The following PGBD1 variants were observed in gnomAD, a reference collection of about 807,000 sequenced individuals.
PGBD1 encodes the protein piggyBac transposable element-derived protein 1.
Under a neutral mutation model 34.7 loss-of-function variants are expected in PGBD1, and 25 were observed. That is an observed-to-expected ratio of 0.72 (90% CI 0.52 to 1.00). PGBD1 has a LOEUF of 1.00. Ranked by LOEUF, PGBD1 falls within the 50% of genes least tolerant of loss-of-function variation. PGBD1 has a pLI of 0.00. For synonymous variants in PGBD1, 292 were observed against 335.7 expected, an observed-to-expected ratio of 0.87 and a Z score of 1.42; for missense variants, 830 against 959.4, an observed-to-expected ratio of 0.87 and a Z score of 1.78.
At chr6:28,287,045 G>A in intron 3 of PGBD1, 35 bp from the exon 4 acceptor site, 3 of 1,535,646 alleles carry the variant, frequency 2.0e-6, no homozygotes, top group African/African-American at 1.4e-5. Flanking sequence ...AGGCCATCAT[G>A]TCTCATTTAG....
At chr6:28,293,617 T>C (rs1762538159) in intron 4 of PGBD1, among the ~76,000 whole-genome samples, 1 of 152,218 alleles carries the variant, frequency 6.6e-6, no homozygotes, top group Non-Finnish European at 1.5e-5. Context: ...GTGTCACATT[T>C]TGGTAATTCT....
At chr6:28,285,476 A>G (rs1762257095) in intron 2 of PGBD1, 75 bp from the exon 3 acceptor site, 4 of 1,464,238 alleles carry the variant, frequency 2.7e-6, no homozygotes, top group East Asian at 2.4e-5. Context: ...TATCCCCAGC[A>G]TGTAGAACAG....
At chr6:28,287,228 G>C (rs949117952) in intron 4 of PGBD1, 60 bp downstream of exon 4, 32 of 1,416,360 alleles carry the variant, frequency 2.3e-5, no homozygotes, top group Non-Finnish European at 3.0e-5. Context: ...CTCATTCCAT[G>C]TTCCTTGCCC....
intron 5 of PGBD1, 71 bp from the exon 6 acceptor site, chr6:28,297,824 T>TG (rs1561890921): frequency 2.2e-4 from 41 of 185,486 alleles, no homozygotes; most frequent in Admixed American, 5.4e-4. Context: ...AAGTTTTTTT[T>TG]TTTTTTTTTT....
At chr6:28,291,908 A>AT (rs986183305) in intron 4 of PGBD1, among the ~76,000 whole-genome samples, 11 of 152,164 alleles carry the variant, frequency 7.2e-5, no homozygotes, top group African/African-American at 2.7e-4. Flanking sequence ...TTGCTTTTTG[A>AT]TAAAAACCCT....
intron 2 of PGBD1, among the ~76,000 whole-genome samples, chr6:28,285,320 TA>T (rs1400777698): frequency 6.6e-6 from 1 of 152,214 alleles, no homozygotes; most frequent in African/African-American, 2.4e-5. Flanking sequence ...AATTACTAAG[TA>T]ATCTGTGGGA....
chr6:28,300,756 C>T lies in PGBD1; in HGVS notation c.902C>T (p.Pro301Leu), dbSNP rs1296330337. 7 of 1,613,822 alleles carry T rather than the reference C, an allele frequency of 4.3e-6. No homozygotes were observed. The highest frequency in any genetic ancestry group is 5.9e-6 in the Non-Finnish European group (7 of 1,179,910). The change falls in exon 7 of 7, where the codon CCT becomes CTT. Residue 301 changes from proline to leucine, a missense_variant. Physicochemically the swap from Pro to Leu is moderately conservative, Grantham distance 98. This residue lies in a region of PGBD1 where 457 missense variants were observed against 515.4 expected (regional missense o/e 0.89). Transcript: ENST00000682144. The surrounding 1 kb of genome is among the most constrained non-coding windows in gnomAD (Gnocchi z 4.0). ...ECAPQIPCST[P>L]IATERTVAHL... The stretch of plus-strand genomic sequence containing the variant: ...GCACCCCAGATTCCTTGTAGTACTC[C>T]TATTGCTACTGAAAGGACAGTTGCA...
chr6:28,294,571 T>G (rs1018825080), intron 4 of PGBD1, among the ~76,000 whole-genome samples: 3 of 152,198 alleles, frequency 2.0e-5, no homozygotes, highest in Non-Finnish European at 2.9e-5. Context: ...TTGAAGCCAG[T>G]GCTCATTTAT....
rs781553695 is a variant in PGBD1 at position 28,297,916 on chromosome 6, A to T, written c.794A>T (p.Asp265Val). The change falls in exon 6 of 7, where the codon GAT (aspartate) becomes GTT (valine). Residue 265 changes from aspartate (D) to valine (V), a missense_variant. By Grantham distance (152) the Asp-to-Val change is radical. This residue lies in a region of PGBD1 where 457 missense variants were observed against 515.4 expected (regional missense o/e 0.89). Transcript: ENST00000682144. ...SPMTEEIVTK[D>V]RLFKAKQETS... ...TTAGCTGAAGAAATTGTAACTAAAG[A>T]TAGATTGTTTAAAGCAAAGCAAGAA... is the stretch of plus-strand genomic sequence containing the variant. The T allele has an allele frequency of 1.3e-6, 2 of 1,553,944 alleles. No homozygotes were observed. Among genetic ancestry groups the T allele is most frequent in the Non-Finnish European group, 8.8e-7 (1 of 1,138,758 alleles).
chr6:28,284,077 G>A lies in PGBD1; in HGVS notation c.264G>A (p.Val88=), dbSNP rs1346563145. ...AGGAACAGATAATGGAACTGCTGGT[G>A]CTGGAGCAGTTCCTGACCATCCTGC... ...HTKEQIMELL[V]LEQFLTILPK... is the part of the protein sequence containing the mutation. Residue 88 remains valine, a synonymous_variant, in exon 2 of 7, where the codon GTG becomes GTA. Coordinates refer to ENST00000682144, the MANE Select transcript of PGBD1 (RefSeq NM_032507.4). The A allele has an allele frequency of 6.2e-7, 1 of 1,614,220 alleles. No homozygotes were observed. Among genetic ancestry groups the A allele is most frequent in the Non-Finnish European group, 8.5e-7 (1 of 1,180,036 alleles).
chr6:28,284,102 C>G lies in PGBD1; in HGVS notation c.289C>G (p.Pro97Ala). Residue 97 changes from proline to alanine, a missense_variant, in exon 2 of 7, where the codon CCC (proline) becomes GCC (alanine). Coordinates refer to ENST00000682144, the MANE Select transcript of PGBD1 (RefSeq NM_032507.4). ...LVLEQFLTIL[P>A]KELQPCVKTY... Reference sequence around the variant, plus strand: ...GCTGGAGCAGTTCCTGACCATCCTGCCCAAGGAGCTCCAGCCCTGTGTGAA... The same window carrying G: ...GCTGGAGCAGTTCCTGACCATCCTGGCCAAGGAGCTCCAGCCCTGTGTGAA... The G allele has an allele frequency of 6.2e-7, 1 of 1,614,072 alleles. No homozygotes were observed. The highest frequency in any genetic ancestry group is 8.5e-7 in the Non-Finnish European group (1 of 1,179,998).
At chr6:28,283,669 T>C in intron 1 of PGBD1, 107 bp from the exon 2 acceptor site, 3 of 1,007,128 alleles carry the variant, frequency 3.0e-6, no homozygotes, top group Non-Finnish European at 4.3e-6. Flanking sequence ...GAGCATTACC[T>C]ACAGTGGGGA....
chr6:28,297,830 T>G (rs988350421), intron 5 of PGBD1, 65 bp from the exon 6 acceptor site: 19 of 299,498 alleles, frequency 6.3e-5, no homozygotes, highest in South Asian at 4.4e-4. Context: ...TTTTTTTTTT[T>G]TTTTTTTTTT....
Position 28,302,051 on chromosome 6 carries a change from G to C in PGBD1, c.2197G>C (p.Asp733His), listed in dbSNP as rs1015051482. ...TCAACCATCCATAGTAAAAGTGTAT[G>C]ATGAATGCAAGGAAGGTGTAGCTAA... Reference protein sequence around the residue: ...ISQPSIVKVYDECKEGVAKMD... With the variant: ...ISQPSIVKVYHECKEGVAKMD... Residue 733 changes from aspartate to histidine, a missense_variant, in exon 7 of 7, where the codon GAT becomes CAT. Asp to His is a moderately conservative substitution (Grantham distance 81, BLOSUM62 -1). This residue lies in a region of PGBD1 where 372 missense variants were observed against 427.9 expected (regional missense o/e 0.87). Transcript: ENST00000682144. 6.2e-7 allele frequency: 1 copy of C among 1,614,144 alleles called. No homozygotes were observed. Among genetic ancestry groups the C allele is most frequent in the Admixed American group, 1.7e-5 (1 of 60,028 alleles).
chr6:28,296,747 A>G, intron 4 of PGBD1, 69 bp from the exon 5 acceptor site: 3 of 1,575,652 alleles, frequency 1.9e-6, no homozygotes, highest in Non-Finnish European at 2.6e-6. Flanking sequence ...GTGGTATTCA[A>G]CACCCTTCAC....
At chr6:28,287,299 C>T (rs934265106) in intron 4 of PGBD1, 131 bp downstream of exon 4, 1 of 742,144 alleles carries the variant, frequency 1.3e-6, no homozygotes, top group Non-Finnish European at 2.4e-6. Context: ...CCTCTGCCTT[C>T]ACCTTGTCAC....
intron 5 of PGBD1, among the ~76,000 whole-genome samples, chr6:28,297,441 A>G (rs75621300): frequency 0.1 from 15,850 of 152,144 alleles, 958 homozygotes; most frequent in Middle Eastern, 0.15. Context: ...TAGTGGCACG[A>G]TGATAGTTCA....
Position 28,301,005 on chromosome 6 carries a change from G to C in PGBD1, c.1151G>C (p.Cys384Ser), listed in dbSNP as rs771838813. ...GCTCAAAAGAAGTTAAAGGTATCAT[G>C]TTTCCCAGAAAAGAGTTGGACCAAA... Reference protein sequence around the residue: ...QPAQKKLKVSCFPEKSWTKRD... With the variant: ...QPAQKKLKVSSFPEKSWTKRD... Residue 384 changes from cysteine to serine, a missense_variant, in exon 7 of 7, where the codon TGT (cysteine) becomes TCT (serine). Physicochemically the swap from Cys to Ser is moderately radical, Grantham distance 112 (BLOSUM62 -1). This residue lies in a region of PGBD1 where 457 missense variants were observed against 515.4 expected (regional missense o/e 0.89). Coordinates refer to ENST00000682144, the MANE Select transcript of PGBD1 (RefSeq NM_032507.4). The C allele has an allele frequency of 6.2e-6, 10 of 1,614,042 alleles. No homozygotes were observed. The highest frequency in any genetic ancestry group is 7.6e-6 in the Non-Finnish European group (9 of 1,180,032).
intron 3 of PGBD1, among the ~76,000 whole-genome samples, chr6:28,286,072 G>A (rs1762277243): frequency 1.3e-5 from 2 of 152,130 alleles, no homozygotes; most frequent in Admixed American, 6.5e-5. Context: ...TGCATTTTAA[G>A]CTGGTTTATT....
Sources: allele counts gnomAD v4.1 joint callset (sites outside exome capture counted in the v4.1 genomes callset), GRCh38; gene constraint gnomAD v4.1.1; regional missense constraint gnomAD v4.1.1; non-coding constraint Gnocchi (gnomAD v3.1); transcripts MANE v1.5; gene names NCBI Gene and HGNC (gene_info 2026-07-23, HGNC 2026-07-21).